The following EFNA5 variants were observed in gnomAD, a reference collection of about 807,000 sequenced individuals.
EFNA5 encodes the protein ephrin A5, also known as ephrin-A5.
EFNA5 carries 5 observed loss-of-function variants against 22.9 expected under a neutral mutation model. That is an observed-to-expected ratio of 0.22 (90% CI 0.11 to 0.46). The LOEUF (loss-of-function observed/expected upper bound fraction) is 0.46, where lower values mean the gene tolerates loss of function less well. Among genes scored for constraint, EFNA5 ranks in the 20% least tolerant of loss-of-function variants. EFNA5 has a pLI of 0.99. For synonymous variants in EFNA5, 113 were observed against 112.2 expected (o/e 1.01, Z -0.04); for missense variants, 237 against 293.3 (o/e 0.81, Z 1.40).
At chr5:107,509,784 C>T (rs1214396681) in intron 1 of EFNA5, among the ~76,000 whole-genome samples, 2 of 152,130 alleles carry the variant, frequency 1.3e-5, no homozygotes, top group Admixed American at 6.5e-5. Context: ...ATTTCTAGAA[C>T]CCAGAAGAGT....
intron 2 of EFNA5, among the ~76,000 whole-genome samples, chr5:107,395,034 C>CTTTTTTTTTTTTTT (rs58619326): frequency 0.015 from 1,304 of 86,004 alleles, 312 homozygotes; most frequent in South Asian, 0.032. Flanking sequence ...ATTTCTAGTT[C>CTTTTTTTTTTTTTT]TTTTTTTTTT....
In EFNA5 at chr5:107,377,316, C is replaced by G; in HGVS notation, c.*3939G>C. 6.6e-6 allele frequency: 1 copy of G among 152,140 alleles called. No homozygotes were observed. The highest frequency in any genetic ancestry group is 1.9e-4 in the East Asian group (1 of 5,164). The allele number at this position is 152,140 out of a possible 1,614,324, so 9.4% of individuals were successfully genotyped here. A position where few individuals can be genotyped will look rare whatever the true frequency, so the allele number is the denominator to read the frequency against. ...AATGCATGGGAAAAACTCAGTGATG[C>G]CAAACCAGAGACAGACCTGCCCATT... is the stretch of plus-strand genomic sequence containing the variant. On this transcript the variant is annotated 3_prime_UTR_variant, in exon 5 of 5. Coordinates refer to ENST00000333274, the MANE Select transcript of EFNA5 (RefSeq NM_001962.3).
At chr5:107,662,427 T>G (rs974738444) in intron 1 of EFNA5, among the ~76,000 whole-genome samples, 3 of 152,186 alleles carry the variant, frequency 2.0e-5, no homozygotes, top group African/African-American at 7.2e-5. Flanking sequence ...ATGAGAATAA[T>G]GTTCCCAGCC....
At chr5:107,619,290 T>G (rs1301480034) in intron 1 of EFNA5, among the ~76,000 whole-genome samples, 1 of 152,042 alleles carries the variant, frequency 6.6e-6, no homozygotes, top group African/African-American at 2.4e-5. Flanking sequence ...GAGAAACTGT[T>G]GAGAAACCAA....
intron 1 of EFNA5, among the ~76,000 whole-genome samples, chr5:107,648,634 C>T (rs773267597): frequency 3.3e-5 from 5 of 152,080 alleles, no homozygotes; most frequent in African/African-American, 7.2e-5. Flanking sequence ...GATCTCCCTG[C>T]GTCAAACTTC....
At chr5:107,426,911 G>A (rs1350550875) in intron 2 of EFNA5, 6 of 285,916 alleles carry the variant, frequency 2.1e-5, no homozygotes, top group Non-Finnish European at 2.6e-5. Flanking sequence ...TTTTTTTCAG[G>A]AGTCTTTTTT....
intron 1 of EFNA5, among the ~76,000 whole-genome samples, chr5:107,656,578 T>A (rs1045625501): frequency 4.6e-5 from 7 of 152,128 alleles, no homozygotes; most frequent in Non-Finnish European, 1.0e-4. Context: ...TTCACAAGAA[T>A]ATATATAAAG....
chr5:107,472,826 C>A (rs1218251847), intron 1 of EFNA5, among the ~76,000 whole-genome samples: 1 of 152,190 alleles, frequency 6.6e-6, no homozygotes, highest in South Asian at 2.1e-4. Context: ...AGATCAGTAA[C>A]GTGAGCTGGC....
chr5:107,624,846 A>G (rs994091350), intron 1 of EFNA5, among the ~76,000 whole-genome samples: 2 of 152,122 alleles, frequency 1.3e-5, no homozygotes, highest in Non-Finnish European at 2.9e-5. Flanking sequence ...CTCCTTTCTG[A>G]ACAACATTAA....
chr5:107,468,063 TG>T (rs1750039625), intron 1 of EFNA5, among the ~76,000 whole-genome samples: 1 of 152,212 alleles, frequency 6.6e-6, no homozygotes, highest in Non-Finnish European at 1.5e-5. Context: ...ACTGACATCT[TG>T]GTAGAACGGA....
intron 1 of EFNA5, among the ~76,000 whole-genome samples, chr5:107,459,960 C>T (rs983207030): frequency 1.3e-5 from 2 of 152,144 alleles, no homozygotes; most frequent in East Asian, 1.9e-4. Context: ...TTCCACTCTG[C>T]ACGCCTCAAA....
intron 1 of EFNA5, among the ~76,000 whole-genome samples, chr5:107,571,164 A>G (rs952542368): frequency 2.0e-5 from 3 of 152,176 alleles, no homozygotes; most frequent in African/African-American, 7.2e-5. Flanking sequence ...TTAGGGGCCT[A>G]CAGAAAAAGA....
intron 1 of EFNA5, among the ~76,000 whole-genome samples, chr5:107,658,312 C>T (rs1371291993): frequency 1.3e-5 from 2 of 152,162 alleles, no homozygotes; most frequent in Non-Finnish European, 2.9e-5. Context: ...TGCTTAATAT[C>T]TTTAGACATT....
At chr5:107,443,525 T>C (rs935334631) in intron 1 of EFNA5, among the ~76,000 whole-genome samples, 1 of 152,194 alleles carries the variant, frequency 6.6e-6, no homozygotes, top group Non-Finnish European at 1.5e-5. Context: ...TACAGTGCTG[T>C]AGTGGCAGAT....
At chr5:107,498,721 G>A (rs576563771) in intron 1 of EFNA5, among the ~76,000 whole-genome samples, 2 of 152,306 alleles carry the variant, frequency 1.3e-5, no homozygotes, top group East Asian at 1.9e-4. Flanking sequence ...GACAGCACAG[G>A]TTGAATGCCA....
At chr5:107,645,368 G>A (rs893609874) in intron 1 of EFNA5, among the ~76,000 whole-genome samples, 9 of 152,154 alleles carry the variant, frequency 5.9e-5, no homozygotes, top group Non-Finnish European at 1.3e-4. Context: ...CCAACTGACC[G>A]AATTAAATTT....
chr5:107,603,113 A>G (rs1749639518), intron 1 of EFNA5, among the ~76,000 whole-genome samples: 1 of 152,182 alleles, frequency 6.6e-6, no homozygotes, highest in African/African-American at 2.4e-5. Flanking sequence ...GACATTTTAG[A>G]ACATTTGCAA....
intron 2 of EFNA5, among the ~76,000 whole-genome samples, chr5:107,423,559 A>T (rs959187582): frequency 3.3e-5 from 5 of 152,120 alleles, no homozygotes; most frequent in African/African-American, 1.2e-4. Flanking sequence ...GTATTTTTGA[A>T]TTTTTTAAAA....
chr5:107,449,276 C>A (rs1207972926), intron 1 of EFNA5, among the ~76,000 whole-genome samples: 1 of 151,692 alleles, frequency 6.6e-6, no homozygotes, highest in Non-Finnish European at 1.5e-5. Context: ...CTAAAGCTGG[C>A]AGAGTGTCCA....
Sources: gnomAD v4.1 joint callset for allele counts (sites outside exome capture counted in the v4.1 genomes callset) on GRCh38, gnomAD v4.1.1 for gene constraint, MANE v1.5 for transcripts, NCBI Gene and HGNC (gene_info 2026-07-23, HGNC 2026-07-21) for gene names.